TMC1: variants seen among roughly 807,000 people sequenced by gnomAD.
TMC1 encodes transmembrane channel-like protein 1.
A neutral mutation model predicts 105.8 loss-of-function variants in TMC1; 84 were observed. That is an observed-to-expected ratio of 0.79 (90% confidence interval 0.67 to 0.95). The LOEUF (loss-of-function observed/expected upper bound fraction) is 0.95, where lower values mean the gene tolerates loss of function less well. Ranked by LOEUF, TMC1 falls within the 40% of genes least tolerant of loss-of-function variation. The pLI is 0.00. For synonymous variants in TMC1, 315 were observed against 311.5 expected (o/e 1.01, Z -0.12); for missense variants, 817 against 914.1 (o/e 0.89, Z 1.37).
At chr9:72,714,117 A>G (rs1646876238) in intron 8 of TMC1, among the ~76,000 whole-genome samples, 3 of 152,164 alleles carry the variant, frequency 2.0e-5, no homozygotes, top group Admixed American at 2.0e-4. Flanking sequence ...ATTTGATTGC[A>G]CTGTGGTCTG....
At chr9:72,699,463 G>A (rs1826606098) in intron 7 of TMC1, among the ~76,000 whole-genome samples, 1 of 151,838 alleles carries the variant, frequency 6.6e-6, no homozygotes, top group Admixed American at 6.6e-5. Flanking sequence ...TCTTGAGACA[G>A]GGCTAACAAA....
chr9:72,526,890 C>T (rs1488556890), intron 1 of TMC1, among the ~76,000 whole-genome samples: 3 of 152,208 alleles, frequency 2.0e-5, no homozygotes, highest in African/African-American at 7.2e-5. Context: ...TTGTGCACAC[C>T]ATGCAGTGTG....
At chr9:72,830,768 T>A in intron 23 of TMC1, 86 bp downstream of exon 23, 1 of 1,193,994 alleles carries the variant, frequency 8.4e-7, no homozygotes. Context: ...TTTTCTCCAT[T>A]GGATGGTGAG....
intron 5 of TMC1, among the ~76,000 whole-genome samples, chr9:72,668,872 G>T (rs747267281): frequency 4.6e-5 from 7 of 152,278 alleles, no homozygotes; most frequent in Admixed American, 1.3e-4. Context: ...GCAAAGAACA[G>T]CTTGTGTGAG....
chr9:72,714,849 C>T (rs1031309712), intron 8 of TMC1, among the ~76,000 whole-genome samples: 1 of 152,298 alleles, frequency 6.6e-6, no homozygotes, highest in East Asian at 1.9e-4. Flanking sequence ...GATGCGATTT[C>T]TTCATAGCGT....
At chr9:72,770,083 T>G (rs570505155) in intron 12 of TMC1, among the ~76,000 whole-genome samples, 1 of 152,188 alleles carries the variant, frequency 6.6e-6, no homozygotes, top group South Asian at 2.1e-4. Flanking sequence ...AAGCATATTC[T>G]CCTGGGATGA....
chr9:72,699,831 C>T (rs532648023), intron 7 of TMC1, among the ~76,000 whole-genome samples: 7 of 151,660 alleles, frequency 4.6e-5, no homozygotes, highest in Admixed American at 3.9e-4. Flanking sequence ...ATGGCAGATG[C>T]CTGTAATCCC....
intron 1 of TMC1, among the ~76,000 whole-genome samples, chr9:72,530,475 A>G (rs13298698): frequency 0.055 from 8,436 of 152,022 alleles, 292 homozygotes; most frequent in Non-Finnish European, 0.07. Flanking sequence ...CAGCAGTCCC[A>G]GCTACTCAGG....
intron 4 of TMC1, among the ~76,000 whole-genome samples, chr9:72,647,616 ACAT>A (rs1168391715): frequency 6.6e-6 from 1 of 152,200 alleles, no homozygotes; most frequent in Non-Finnish European, 1.5e-5. Context: ...AACCAGGTGA[ACAT>A]CACCCTTACA....
intron 12 of TMC1, among the ~76,000 whole-genome samples, chr9:72,766,233 T>C (rs555330802): frequency 1.3e-5 from 2 of 151,922 alleles, no homozygotes; most frequent in East Asian, 2.0e-4. Flanking sequence ...CTGGCTAACA[T>C]GGTGAAACCC....
chr9:72,749,095 G>A (rs1284182570), intron 10 of TMC1, among the ~76,000 whole-genome samples: 1 of 152,146 alleles, frequency 6.6e-6, no homozygotes, highest in Non-Finnish European at 1.5e-5. Context: ...TGGAGGAGGG[G>A]ATACTTTCTG....
At chr9:72,719,169 G>A (rs1179179490) in intron 8 of TMC1, among the ~76,000 whole-genome samples, 1 of 152,160 alleles carries the variant, frequency 6.6e-6, no homozygotes, top group Non-Finnish European at 1.5e-5. Flanking sequence ...CTCCCTGCCT[G>A]TCACCGGATT....
intron 12 of TMC1, among the ~76,000 whole-genome samples, chr9:72,756,607 A>G (rs957979471): frequency 6.6e-6 from 1 of 152,180 alleles, no homozygotes; most frequent in Admixed American, 6.5e-5. Flanking sequence ...TCCTCTGATT[A>G]GCAAAATGAC....
Position 72,584,784 on chromosome 9 carries a change from C to CTTTTTTTTTTTTTTTTTTTTTTTT in TMC1, c.-306+6779_-306+6780insTTTTTTTTTTTTTTTTTTTTTTTT, listed in dbSNP as rs71357591. Reference sequence around the variant, plus strand: ...GTAGTTCTCCTTTTTCTTTTCTTTTCTTTTTTTTTTTTTTTTTTGAGACAG... The same window carrying CTTTTTTTTTTTTTTTTTTTTTTTT: ...GTAGTTCTCCTTTTTCTTTTCTTTTCTTTTTTTTTTTTTTTTTTTTTTTTTTTTTTTTTTTTTTTTTTGAGACAG... On this transcript the variant is annotated intron_variant, in intron 2 of 23. Coordinates refer to ENST00000297784, the MANE Select transcript of TMC1 (RefSeq NM_138691.3). Among the ~76,000 whole-genome samples, 53 of 112,980 alleles carry CTTTTTTTTTTTTTTTTTTTTTTTT rather than the reference C, an allele frequency of 4.7e-4. 1 individual carries two copies. Among genetic ancestry groups the CTTTTTTTTTTTTTTTTTTTTTTTT allele is most frequent in the South Asian group, 9.0e-4 (3 of 3,316 alleles). The allele number at this position is 112,980 out of a possible 152,430, so 74.1% of individuals were successfully genotyped here.
At chr9:72,740,046 T>A in intron 8 of TMC1, 73 bp from the exon 9 acceptor site, 4 of 1,159,468 alleles carry the variant, frequency 3.4e-6, no homozygotes, top group South Asian at 1.3e-5. Flanking sequence ...TAAATTCAAA[T>A]GTCCACTACT....
chr9:72,718,234 A>G (rs139833889), intron 8 of TMC1, among the ~76,000 whole-genome samples: 13 of 152,098 alleles, frequency 8.5e-5, no homozygotes, highest in Admixed American at 7.9e-4. Context: ...GTTTGGATCC[A>G]TTGCTGGTGA....
At chr9:72,591,858 T>C (rs985619096) in intron 2 of TMC1, among the ~76,000 whole-genome samples, 4 of 152,160 alleles carry the variant, frequency 2.6e-5, no homozygotes, top group Non-Finnish European at 5.9e-5. Flanking sequence ...CCACTGCACC[T>C]TGGCACGGAA....
intron 12 of TMC1, among the ~76,000 whole-genome samples, chr9:72,764,496 G>C (rs1159210472): frequency 6.6e-6 from 1 of 152,138 alleles, no homozygotes; most frequent in Non-Finnish European, 1.5e-5. Flanking sequence ...TTTGTTAAGA[G>C]TTTTATGCAA....
chr9:72,767,704 G>A (rs1161403348), intron 12 of TMC1, among the ~76,000 whole-genome samples: 1 of 152,184 alleles, frequency 6.6e-6, no homozygotes, highest in Non-Finnish European at 1.5e-5. Context: ...CCCAGAGTTG[G>A]ACAGAAATTT....
Sources: gnomAD v4.1 joint callset for allele counts (sites outside exome capture counted in the v4.1 genomes callset) on GRCh38, gnomAD v4.1.1 for gene constraint, MANE v1.5 for transcripts, NCBI Gene and HGNC (gene_info 2026-07-23, HGNC 2026-07-21) for gene names.